TP63: variants seen among roughly 807,000 people sequenced by gnomAD.
The protein encoded by TP63 is tumor protein 63.
In TP63, 17 loss-of-function variants were observed where a neutral mutation model predicts 82.8. The ratio of observed to expected loss-of-function variants is 0.21; its 90% confidence interval spans 0.14 to 0.31. The LOEUF (loss-of-function observed/expected upper bound fraction) is 0.31. TP63 is among the 10% of genes least tolerant of loss of function. The pLI is 1.00. For missense variants in TP63, 648 were observed against 895.3 expected (o/e 0.72, Z 3.52); for synonymous variants, 330 against 321.7 (o/e 1.03, Z -0.28).
intron 1 of TP63, among the ~76,000 whole-genome samples, chr3:189,647,369 G>A (rs78702117): frequency 0.017 from 2,558 of 146,936 alleles, 211 homozygotes; most frequent in Non-Finnish European, 0.029. Context: ...CTGCGTTAAG[G>A]CAATGATTGA....
chr3:189,746,580 A>G (rs1253729692), intron 3 of TP63, among the ~76,000 whole-genome samples: 1 of 152,000 alleles, frequency 6.6e-6, no homozygotes, highest in Non-Finnish European at 1.5e-5. Flanking sequence ...AAGAATAATC[A>G]AAGCACATAT....
At chr3:189,860,744 C>G (rs1383122387) in intron 4 of TP63, among the ~76,000 whole-genome samples, 2 of 152,154 alleles carry the variant, frequency 1.3e-5, no homozygotes, top group Non-Finnish European at 2.9e-5. Context: ...AAAGTGATAT[C>G]TGAATTGTCC....
intron 1 of TP63, among the ~76,000 whole-genome samples, chr3:189,729,130 G>A (rs1413689830): frequency 6.6e-6 from 1 of 152,172 alleles, no homozygotes; most frequent in Non-Finnish European, 1.5e-5. Context: ...AATGAAAAAG[G>A]CAAGAGGTTT....
At chr3:189,637,423 A>G (rs1463372857) in intron 1 of TP63, among the ~76,000 whole-genome samples, 2 of 152,136 alleles carry the variant, frequency 1.3e-5, no homozygotes, top group Non-Finnish European at 2.9e-5. Flanking sequence ...TCCACTTTAT[A>G]TCAACTTTCG....
At chr3:189,830,956 T>C (rs2108704977) in intron 4 of TP63, among the ~76,000 whole-genome samples, 1 of 152,312 alleles carries the variant, frequency 6.6e-6, no homozygotes, top group Non-Finnish European at 1.5e-5. Context: ...TGTGTAAAAT[T>C]ATCTCACTAC....
chr3:189,687,021 G>A (rs1197439883), intron 1 of TP63, among the ~76,000 whole-genome samples: 6 of 152,158 alleles, frequency 3.9e-5, no homozygotes, highest in South Asian at 2.1e-4. Context: ...GAGCCACCGC[G>A]CCTGGCCAAG....
intron 1 of TP63, among the ~76,000 whole-genome samples, chr3:189,666,449 A>G (rs2108662406): frequency 6.6e-6 from 1 of 152,252 alleles, no homozygotes; most frequent in Non-Finnish European, 1.5e-5. Context: ...CTAATTAATG[A>G]AATAGACTTA....
chr3:189,779,789 C>T lies in TP63; in HGVS notation c.325-28483C>T, dbSNP rs141018765. ...TATCTGAGAATCAAGGACAATAAGACGCTGCCAACTTCACAGACTTATTAT... is the reference window on the plus strand; with the variant it reads ...TATCTGAGAATCAAGGACAATAAGATGCTGCCAACTTCACAGACTTATTAT... On this transcript the variant is annotated intron_variant, in intron 3 of 13. Coordinates refer to ENST00000264731, the MANE Select transcript of TP63 (RefSeq NM_003722.5). Among the ~76,000 whole-genome samples the T allele has an allele frequency of 5.1e-3, 775 of 152,198 alleles. 4 individuals are homozygous for T. Among genetic ancestry groups the T allele is most frequent in the African/African-American group, 0.018 (732 of 41,508 alleles).
intron 1 of TP63, among the ~76,000 whole-genome samples, chr3:189,668,966 G>T (rs933958602): frequency 6.6e-5 from 10 of 151,218 alleles, no homozygotes; most frequent in Non-Finnish European, 1.2e-4. Flanking sequence ...TACAAAGAAA[G>T]TCACACCTAG....
the TP63 span, among the ~76,000 whole-genome samples, chr3:189,597,949 A>G: frequency 6.6e-6 from 1 of 152,044 alleles, no homozygotes; most frequent in Non-Finnish European, 1.5e-5. Context: ...AAAAAGTTAG[A>G]ATTAATATTT....
chr3:189,601,066 AT>A, the TP63 span, among the ~76,000 whole-genome samples: 1 of 152,078 alleles, frequency 6.6e-6, no homozygotes, highest in African/African-American at 2.4e-5. Flanking sequence ...CTTACACTTC[AT>A]TTTCTTTCTA....
intron 1 of TP63, among the ~76,000 whole-genome samples, chr3:189,715,269 T>G (rs1718878541): frequency 6.6e-6 from 1 of 152,210 alleles, no homozygotes; most frequent in Non-Finnish European, 1.5e-5. Flanking sequence ...ACAAGAGAGC[T>G]GCCAGAAGGG....
chr3:189,798,090 A>G (rs1057456405), intron 3 of TP63, among the ~76,000 whole-genome samples: 3 of 152,060 alleles, frequency 2.0e-5, no homozygotes, highest in East Asian at 1.9e-4. Context: ...TATCCCCTAC[A>G]GGGCCACTCA....
intron 1 of TP63, among the ~76,000 whole-genome samples, chr3:189,733,669 T>C (rs1720336397): frequency 6.6e-6 from 1 of 152,240 alleles, no homozygotes; most frequent in Admixed American, 6.5e-5. Context: ...ACTTTTATTT[T>C]TTCCTATATT....
the TP63 span, among the ~76,000 whole-genome samples, chr3:189,608,840 T>C: frequency 1.2e-4 from 19 of 152,192 alleles, no homozygotes; most frequent in East Asian, 3.1e-3. Flanking sequence ...AGCACTTCAA[T>C]ATTAAAATCA....
the TP63 span, among the ~76,000 whole-genome samples, chr3:189,606,481 G>A: frequency 0.069 from 10,055 of 145,780 alleles, 436 homozygotes; most frequent in Middle Eastern, 0.22. Flanking sequence ...CTATGTAATT[G>A]ATAGACAGCC....
At chr3:189,680,854 T>A (rs1280595629) in intron 1 of TP63, among the ~76,000 whole-genome samples, 1 of 152,130 alleles carries the variant, frequency 6.6e-6, no homozygotes, top group Non-Finnish European at 1.5e-5. Flanking sequence ...TGAGTTTACA[T>A]TAGCTAGCCT....
intron 1 of TP63, among the ~76,000 whole-genome samples, chr3:189,726,745 A>G (rs1719804822): frequency 6.6e-6 from 1 of 152,216 alleles, no homozygotes; most frequent in Admixed American, 6.5e-5. Context: ...ATATTAGCCC[A>G]GTGATCTCCC....
At chr3:189,624,415 G>A in the TP63 span, among the ~76,000 whole-genome samples, 1 of 152,080 alleles carries the variant, frequency 6.6e-6, no homozygotes, top group African/African-American at 2.4e-5. Flanking sequence ...TATGTAGATA[G>A]AATAATAGAT....
Sources: allele counts gnomAD v4.1 joint callset (sites outside exome capture counted in the v4.1 genomes callset), GRCh38; gene constraint gnomAD v4.1.1; transcripts MANE v1.5; gene names NCBI Gene and HGNC (gene_info 2026-07-23, HGNC 2026-07-21).